The following PTPRB variants were observed in gnomAD, a reference collection of about 807,000 sequenced individuals.
PTPRB encodes the protein protein tyrosine phosphatase receptor type B.
A neutral mutation model predicts 238.1 loss-of-function variants in PTPRB; 97 were observed. The observed-to-expected ratio is 0.41, with a 90% CI of 0.35 to 0.48. The LOEUF (loss-of-function observed/expected upper bound fraction) is 0.48. PTPRB is among the 20% of genes least tolerant of loss of function. The pLI is 0.30. For missense variants in PTPRB, 2,292 were observed against 2,681.9 expected (o/e 0.85, Z 3.21); for synonymous variants, 970 against 995.4 (o/e 0.97, Z 0.48).
chr12:70,628,102 T>C (rs1274588513), intron 2 of PTPRB, among the ~76,000 whole-genome samples: 1 of 152,182 alleles, frequency 6.6e-6, no homozygotes, highest in African/African-American at 2.4e-5. Context: ...CTTTTAGGGA[T>C]TTTACCGGTT....
chr12:70,602,142 C>A (rs972574789), intron 4 of PTPRB, among the ~76,000 whole-genome samples: 2 of 152,076 alleles, frequency 1.3e-5, no homozygotes, highest in Non-Finnish European at 2.9e-5. Flanking sequence ...TGACAATAGT[C>A]AGTTTTCTGG....
At chr12:70,632,839 AT>A (rs1354613832) in intron 2 of PTPRB, among the ~76,000 whole-genome samples, 7 of 152,192 alleles carry the variant, frequency 4.6e-5, no homozygotes, top group Non-Finnish European at 1.5e-5. Context: ...ATACTCTAGT[AT>A]TAGTTAAAAG....
intron 2 of PTPRB, among the ~76,000 whole-genome samples, chr12:70,627,720 C>G (rs1260333632): frequency 6.6e-6 from 1 of 151,960 alleles, no homozygotes; most frequent in African/African-American, 2.4e-5. Flanking sequence ...TCATTGATAA[C>G]ATTATTTTCA....
intron 2 of PTPRB, among the ~76,000 whole-genome samples, chr12:70,633,592 T>A (rs373556453): frequency 1.3e-5 from 2 of 152,206 alleles, no homozygotes; most frequent in South Asian, 4.1e-4. Flanking sequence ...ATAAGGGTGT[T>A]TTTGTACCAC....
At chr12:70,527,981 G>A (rs547255845) in intron 32 of PTPRB, among the ~76,000 whole-genome samples, 11 of 152,166 alleles carry the variant, frequency 7.2e-5, no homozygotes, top group African/African-American at 2.4e-4. Context: ...AAGTAATCAC[G>A]GTTTTTGCCA....
At chr12:70,538,276 C>A (rs757801373) in intron 27 of PTPRB, 45 bp from the exon 28 acceptor site, 3 of 1,533,134 alleles carry the variant, frequency 2.0e-6, no homozygotes, top group Non-Finnish European at 1.8e-6. Context: ...GACTTTTCTA[C>A]AGTTTATGTG....
intron 6 of PTPRB, among the ~76,000 whole-genome samples, chr12:70,593,146 G>C (rs1274667796): frequency 2.0e-5 from 3 of 152,142 alleles, no homozygotes; most frequent in African/African-American, 7.2e-5. Flanking sequence ...TACTTCATCA[G>C]AGGAAAATGA....
chr12:70,525,536 A>G (rs1872298300), intron 32 of PTPRB: 1 of 152,198 alleles, frequency 6.6e-6, no homozygotes, highest in Non-Finnish European at 1.5e-5. Context: ...TAGCGAGGAC[A>G]GACCCATCTG....
At chr12:70,551,070 G>A (rs1343261942) in intron 21 of PTPRB, among the ~76,000 whole-genome samples, 1 of 151,918 alleles carries the variant, frequency 6.6e-6, no homozygotes, top group Non-Finnish European at 1.5e-5. Context: ...CAACTTTTGT[G>A]TTTTTAGTAG....
In PTPRB at chr12:70,563,081, T is replaced by C. The variant is rs746732826; in HGVS notation, c.3931A>G (p.Ile1311Val). 1.9e-6 allele frequency: 3 copies of C among 1,613,222 alleles called. No homozygotes were observed. In the Admixed American group the frequency reaches 5.0e-5, roughly 27 times the overall value. ...TVPAAVTDLR[I>V]TENSTRHLSF... Reference sequence around the variant, plus strand: ...AGGTGCCTGGTGGAGTTCTCTGTGATCCTCAGGTCGGTGACAGCTGCTGGG... The same window carrying C: ...AGGTGCCTGGTGGAGTTCTCTGTGACCCTCAGGTCGGTGACAGCTGCTGGG... The change falls in exon 16 of 34, where the codon ATC becomes GTC. Residue 1311 changes from isoleucine to valine, a missense_variant. Around this residue, in one of 4 missense-constraint regions of PTPRB, gnomAD observed 683 missense variants for 862.0 expected, o/e 0.79. Coordinates refer to ENST00000334414, the MANE Select transcript of PTPRB (RefSeq NM_001109754.4).
chr12:70,539,587 A>G lies in PTPRB; in HGVS notation c.5778+38T>C, dbSNP rs75993080. 4,462 of 1,430,506 alleles carry G rather than the reference A, an allele frequency of 3.1e-3. 15 individuals are homozygous for G. The highest frequency in any genetic ancestry group is 3.9e-3 in the Non-Finnish European group (4,076 of 1,037,178). The allele number at this position is 1,430,506 out of a possible 1,614,324, so 88.6% of individuals were successfully genotyped here. Reference sequence around the variant, plus strand: ...CATTAGGAAGGAAATTCTGCTAAGAACTAGGGATGCTGAAGCTTCATTCTG... The same window carrying G: ...CATTAGGAAGGAAATTCTGCTAAGAGCTAGGGATGCTGAAGCTTCATTCTG... On this transcript the variant is annotated intron_variant, in intron 26 of 33. Transcript: ENST00000334414.
In PTPRB at chr12:70,524,471, C is replaced by T. The variant is rs770911663; in HGVS notation, c.6625G>A (p.Asp2209Asn). Residue 2209 changes from aspartate (D) to asparagine (N), a missense_variant and splice_region_variant, in exon 33 of 34, where the codon GAT (aspartate) becomes AAT (asparagine). Transcript: ENST00000334414. ...GGAAGTAAGTGAAGTAAGTGCCCAC[C>T]TCTGTGATACTCTGGATTCACATTT... Reference protein sequence around the residue: ...YENVNPEYHRDPVYSRH With the variant: ...YENVNPEYHRNPVYSRH 1.2e-6 allele frequency: 2 copies of T among 1,603,868 alleles called. No individual in the cohort carries two copies. The highest frequency in any genetic ancestry group is 8.5e-7 in the Non-Finnish European group (1 of 1,174,868).
rs368648598 is a variant in PTPRB at position 70,581,217 on chromosome 12, G to C, written c.2397C>G (p.Asp799Glu). The change falls in exon 10 of 34, where the codon GAC becomes GAG. Residue 799 changes from aspartate (D) to glutamate (E), a missense_variant. By Grantham distance (45) the Asp-to-Glu change is conservative. This residue lies in a region of PTPRB where 1,205 missense variants were observed against 1,287.8 expected (regional missense o/e 0.94). Transcript: ENST00000334414. ...LFTNWTQAQGDVEFYQVLLIH... is the reference protein window; with the variant it reads ...LFTNWTQAQGEVEFYQVLLIH... ...TCAGTAAGACTTGGTAAAATTCTAC[G>C]TCTCCTTGTGCCTGGGTCCAGTTAG... The C allele has an allele frequency of 6.2e-7, 1 of 1,613,768 alleles. No homozygotes were observed. The highest frequency in any genetic ancestry group is 1.3e-5 in the African/African-American group (1 of 74,884).
Position 70,517,985 on chromosome 12 carries a change from A to C in PTPRB, c.*3504T>G, listed in dbSNP as rs1025003843. The C allele has an allele frequency of 1.3e-5, 2 of 152,182 alleles. No homozygotes were observed. Among genetic ancestry groups the C allele is most frequent in the Admixed American group, 1.3e-4 (2 of 15,276 alleles). 9.4% of individuals were successfully genotyped at this position (152,182 alleles called of 1,614,324 possible). Reference sequence around the variant, plus strand: ...ATGTGAAGGGTAGCATGTGAGGTCTATTTTTATATTGCTGGACATCTGGTA... The same window carrying C: ...ATGTGAAGGGTAGCATGTGAGGTCTCTTTTTATATTGCTGGACATCTGGTA... On this transcript the variant is annotated 3_prime_UTR_variant, in exon 34 of 34. Transcript: ENST00000334414.
intron 11 of PTPRB, 29 bp downstream of exon 11, chr12:70,576,353 C>T (rs778935770): frequency 1.9e-6 from 3 of 1,602,602 alleles, no homozygotes; most frequent in Non-Finnish European, 8.5e-7. Flanking sequence ...TTGGTTCTTA[C>T]GGAGCCCTGA....
chr12:70,545,875 G>A (rs1311714965), intron 21 of PTPRB, among the ~76,000 whole-genome samples: 3 of 152,188 alleles, frequency 2.0e-5, no homozygotes, highest in African/African-American at 4.8e-5. Flanking sequence ...GGTGGCTCAC[G>A]CCTGTAATCC....
At chr12:70,535,084 C>T (rs1232650451) in intron 29 of PTPRB, 129 bp from the exon 30 acceptor site, 2 of 1,085,218 alleles carry the variant, frequency 1.8e-6, no homozygotes, top group Admixed American at 5.1e-5. Flanking sequence ...ATTTGACCAT[C>T]TACTTTATAT....
At chr12:70,529,711 G>T (rs984561620) in intron 32 of PTPRB, among the ~76,000 whole-genome samples, 1 of 152,068 alleles carries the variant, frequency 6.6e-6, no homozygotes, top group Admixed American at 6.6e-5. Context: ...AAATAACAGC[G>T]CTAGGCAGAG....
intron 13 of PTPRB, among the ~76,000 whole-genome samples, chr12:70,570,614 T>C (rs1378237091): frequency 6.6e-6 from 1 of 152,114 alleles, no homozygotes; most frequent in Non-Finnish European, 1.5e-5. Flanking sequence ...TTCCAAAGCA[T>C]TGTGAAGACT....
Sources: gnomAD v4.1 joint callset for allele counts (sites outside exome capture counted in the v4.1 genomes callset) on GRCh38, gnomAD v4.1.1 for gene constraint, gnomAD v4.1.1 regional missense constraint, MANE v1.5 for transcripts, NCBI Gene and HGNC (gene_info 2026-07-23, HGNC 2026-07-21) for gene names.